The following PIP4K2A variants were observed in gnomAD, a reference collection of about 807,000 sequenced individuals.
PIP4K2A encodes phosphatidylinositol 5-phosphate 4-kinase type-2 alpha.
A neutral mutation model predicts 42.9 loss-of-function variants in PIP4K2A; 14 were observed. The observed-to-expected ratio is 0.33, with a 90% confidence interval of 0.22 to 0.51. PIP4K2A has a LOEUF of 0.51. Among genes scored for constraint, PIP4K2A ranks in the 20% least tolerant of loss-of-function variants. The pLI is 0.97. For missense variants in PIP4K2A, 434 were observed against 519.8 expected, an observed-to-expected ratio of 0.83 and a Z score of 1.61; for synonymous variants, 192 against 192.2, an observed-to-expected ratio of 1.00 and a Z score of 0.01.
At chr10:22,707,203 T>C (rs952710466) in intron 1 of PIP4K2A, among the ~76,000 whole-genome samples, 9 of 152,218 alleles carry the variant, frequency 5.9e-5, no homozygotes, top group Admixed American at 2.0e-4. Flanking sequence ...CAAGTATGAA[T>C]TGATTTAATC....
At chr10:22,694,360 C>T (rs1839929049) in intron 1 of PIP4K2A, 1 of 152,060 alleles carries the variant, frequency 6.6e-6, no homozygotes, top group Non-Finnish European at 1.5e-5. Flanking sequence ...GGCAGTGGGT[C>T]CCTCTGTCAT....
At chr10:22,695,047 T>C (rs934953798) in intron 1 of PIP4K2A, among the ~76,000 whole-genome samples, 3 of 152,154 alleles carry the variant, frequency 2.0e-5, no homozygotes, top group African/African-American at 7.2e-5. Context: ...TAAAACCAAA[T>C]AGCAAAATGA....
At chr10:22,569,048 T>G (rs749951945) in intron 5 of PIP4K2A, 36 of 1,534,968 alleles carry the variant, frequency 2.3e-5, no homozygotes, top group Non-Finnish European at 2.9e-5. Flanking sequence ...GCTTTTAGAT[T>G]GGCCATCTGC....
At chr10:22,590,673 G>C (rs1298050693) in intron 4 of PIP4K2A, among the ~76,000 whole-genome samples, 1 of 152,114 alleles carries the variant, frequency 6.6e-6, no homozygotes, top group Non-Finnish European at 1.5e-5. Context: ...AGACCAGCCT[G>C]GGCAACATAG....
At chr10:22,700,384 T>C (rs1833691574) in intron 1 of PIP4K2A, among the ~76,000 whole-genome samples, 1 of 152,192 alleles carries the variant, frequency 6.6e-6, no homozygotes, top group African/African-American at 2.4e-5. Flanking sequence ...AAGGGGACTT[T>C]ATAAACCCCA....
chr10:22,627,063 C>T (rs770187566), intron 1 of PIP4K2A, among the ~76,000 whole-genome samples: 12 of 151,700 alleles, frequency 7.9e-5, no homozygotes, highest in South Asian at 2.1e-4. Flanking sequence ...TCTCCTCCCA[C>T]GCATTCTATG....
intron 1 of PIP4K2A, among the ~76,000 whole-genome samples, chr10:22,682,130 C>T (rs781346369): frequency 6.6e-6 from 1 of 152,132 alleles, no homozygotes; most frequent in Non-Finnish European, 1.5e-5. Flanking sequence ...TATAAAAATG[C>T]TCAAAGAGGA....
chr10:22,603,160 T>C (rs1837830284), intron 3 of PIP4K2A, among the ~76,000 whole-genome samples: 1 of 152,206 alleles, frequency 6.6e-6, no homozygotes, highest in East Asian at 1.9e-4. Context: ...AATTCTCTGT[T>C]ACAAACACAA....
At chr10:22,664,079 A>ATG (rs1839270500) in intron 1 of PIP4K2A, among the ~76,000 whole-genome samples, 1 of 80,144 alleles carries the variant, frequency 1.2e-5, no homozygotes, top group Non-Finnish European at 2.1e-5. Flanking sequence ...ATATATACGT[A>ATG]TATATATATA....
At chr10:22,559,317 G>C (rs1179860934) in intron 6 of PIP4K2A, among the ~76,000 whole-genome samples, 1 of 152,190 alleles carries the variant, frequency 6.6e-6, no homozygotes, top group East Asian at 1.9e-4. Context: ...CGAGTTGTTA[G>C]CGTGAAAACA....
chr10:22,599,465 C>A (rs1837704514), intron 3 of PIP4K2A, among the ~76,000 whole-genome samples: 1 of 152,200 alleles, frequency 6.6e-6, no homozygotes, highest in Admixed American at 6.5e-5. Context: ...CTAGCCTAGA[C>A]ACACTCATCC....
chr10:22,703,201 T>C (rs1833749625), intron 1 of PIP4K2A, among the ~76,000 whole-genome samples: 1 of 151,572 alleles, frequency 6.6e-6, no homozygotes, highest in South Asian at 2.1e-4. Flanking sequence ...AGGCCAAGAG[T>C]TGAAGACCAG....
At chr10:22,601,425 C>A (rs1461932553) in intron 3 of PIP4K2A, among the ~76,000 whole-genome samples, 1 of 152,164 alleles carries the variant, frequency 6.6e-6, no homozygotes, top group Non-Finnish European at 1.5e-5. Context: ...CCCTGATGGG[C>A]TGTGAGGGAG....
chr10:22,629,309 G>C (rs1838504625), intron 1 of PIP4K2A, among the ~76,000 whole-genome samples: 1 of 152,106 alleles, frequency 6.6e-6, no homozygotes, highest in African/African-American at 2.4e-5. Context: ...CACCATACTT[G>C]CATTCTTTTC....
intron 1 of PIP4K2A, among the ~76,000 whole-genome samples, chr10:22,621,271 G>A (rs78960083): frequency 0.025 from 3,851 of 152,260 alleles, 160 homozygotes; most frequent in African/African-American, 0.087. Flanking sequence ...TCTGCCACTT[G>A]CAATTGAAGA....
At chr10:22,572,604 C>A (rs1437049356) in intron 5 of PIP4K2A, among the ~76,000 whole-genome samples, 7 of 145,384 alleles carry the variant, frequency 4.8e-5, no homozygotes, top group African/African-American at 7.7e-5. Context: ...GACTCTTTCT[C>A]AAAAAAAAAA....
At chr10:22,620,319 T>A (rs772164935) in intron 1 of PIP4K2A, among the ~76,000 whole-genome samples, 1 of 152,206 alleles carries the variant, frequency 6.6e-6, no homozygotes, top group Non-Finnish European at 1.5e-5. Context: ...ACAGAGGTAA[T>A]ACTGGCTTTT....
chr10:22,562,777 C>T (rs1022854968), intron 6 of PIP4K2A, among the ~76,000 whole-genome samples: 9 of 152,212 alleles, frequency 5.9e-5, no homozygotes, highest in South Asian at 2.1e-4. Flanking sequence ...CTCTGCTGAC[C>T]GTCCTTCCAG....
intron 7 of PIP4K2A, among the ~76,000 whole-genome samples, chr10:22,546,767 C>A (rs574463611): frequency 1.4e-3 from 220 of 152,260 alleles, no homozygotes; most frequent in Non-Finnish European, 2.4e-3. Context: ...GGCAATACAT[C>A]TGAGATTTTT....
Sources: gnomAD v4.1 joint callset for allele counts (sites outside exome capture counted in the v4.1 genomes callset) on GRCh38, gnomAD v4.1.1 for gene constraint, MANE v1.5 for transcripts, NCBI Gene and HGNC (gene_info 2026-07-23, HGNC 2026-07-21) for gene names.